Variants in PECAM1 observed in about 807,000 individuals in gnomAD.
PECAM1 encodes the protein platelet and endothelial cell adhesion molecule 1.
A neutral mutation model predicts 13.8 loss-of-function variants in PECAM1; 8 were observed. The observed-to-expected ratio is 0.58, with a 90% confidence interval of 0.34 to 1.05. PECAM1 has a LOEUF of 1.05. PECAM1 is among the 50% of genes least tolerant of loss of function. The pLI, the probability that PECAM1 is intolerant of heterozygous loss-of-function variation, is 0.03. For missense variants in PECAM1, 304 were observed against 141.2 expected, an observed-to-expected ratio of 2.15 and a Z score of -5.84; for synonymous variants, 136 against 52.6, an observed-to-expected ratio of 2.58 and a Z score of -6.86.
At chr17:64,377,563 A>G (rs933457450) in intron 3 of PECAM1, 9 of 213,228 alleles carry the variant, frequency 4.2e-5, no homozygotes, top group Non-Finnish European at 8.0e-5. Flanking sequence ...GTGAGCCGAG[A>G]TCACACCACT....
At chr17:64,364,130 G>A (rs1244227853) in intron 5 of PECAM1, among the ~76,000 whole-genome samples, 2 of 152,098 alleles carry the variant, frequency 1.3e-5, no homozygotes, top group Non-Finnish European at 2.9e-5. Flanking sequence ...AATAAAAAAT[G>A]ATAAAGGGGA....
chr17:64,323,599 A>T lies in PECAM1; in HGVS notation c.*217T>A. 7.0e-7 allele frequency: 1 copy of T among 1,426,144 alleles called. No homozygotes were observed. The highest frequency in any genetic ancestry group is 9.1e-7 in the Non-Finnish European group (1 of 1,093,074). The allele number at this position is 1,426,144 out of a possible 1,614,324, so 88.3% of individuals were successfully genotyped here. ...TGTTCCAACTTGGTGGAAGGAGGGT[A>T]TGTGGGAAATTCAACAGCCCCTCTG... On this transcript the variant is annotated 3_prime_UTR_variant, in exon 16 of 16. Coordinates refer to ENST00000563924, the MANE Select transcript of PECAM1 (RefSeq NM_000442.5).
intron 3 of PECAM1, among the ~76,000 whole-genome samples, chr17:64,376,561 A>G (rs2036363924): frequency 6.6e-6 from 1 of 152,172 alleles, no homozygotes; most frequent in Non-Finnish European, 1.5e-5. Context: ...AATGCCTACT[A>G]TGAGCCACAT....
At position 64,321,527 on chromosome 17, in the gene PECAM1, G is replaced by A; in HGVS notation, c.*2289C>T. On this transcript the variant is annotated 3_prime_UTR_variant, in exon 16 of 16. Transcript: ENST00000563924. ...AATCCCAGCACTTTGCGAGGCCAAG[G>A]AGGGAGGATCACTTGAGCCCAGAAG... 1.2e-6 allele frequency: 1 copy of A among 827,668 alleles called. No homozygotes were observed. Among genetic ancestry groups the A allele is most frequent in the Non-Finnish European group, 1.5e-6 (1 of 675,490 alleles). The allele number at this position is 827,668 out of a possible 1,614,324, so 51.3% of individuals were successfully genotyped here.
chr17:64,321,371 C>T lies in PECAM1; in HGVS notation c.*2445G>A. The T allele has an allele frequency of 1.1e-6, 1 of 939,804 alleles. No individual in the cohort carries two copies. The highest frequency in any genetic ancestry group is 1.3e-6 in the Non-Finnish European group (1 of 788,080). The allele number at this position is 939,804 out of a possible 1,614,324, so 58.2% of individuals were successfully genotyped here. A position where few individuals can be genotyped will look rare whatever the true frequency, so the allele number is the denominator to read the frequency against. Reference sequence around the variant, plus strand: ...AGCCAGCGTCCTGGATTCAGACAGACCTTTTAGCCATTAAATCCACTAAGA... The same window carrying T: ...AGCCAGCGTCCTGGATTCAGACAGATCTTTTAGCCATTAAATCCACTAAGA... On this transcript the variant is annotated 3_prime_UTR_variant, in exon 16 of 16. Coordinates refer to ENST00000563924, the MANE Select transcript of PECAM1 (RefSeq NM_000442.5).
intron 14 of PECAM1, among the ~76,000 whole-genome samples, chr17:64,339,046 C>T (rs2035359678): frequency 6.6e-6 from 1 of 152,194 alleles, no homozygotes; most frequent in Admixed American, 6.5e-5. Flanking sequence ...AAGTTTTTCC[C>T]TAGAATCCAC....
Position 64,375,204 on chromosome 17 carries a change from C to T in PECAM1, c.538G>A (p.Glu180Lys). The T allele has an allele frequency of 2.1e-6, 1 of 475,402 alleles. No homozygotes were observed. The highest frequency in any genetic ancestry group is 2.0e-5 in the African/African-American group (1 of 50,642). 29.4% of individuals were successfully genotyped at this position (475,402 alleles called of 1,614,324 possible). ...LNEKMVKLKR[E>K]KNSRDQNFVI... is the part of the protein sequence containing the mutation. ...AAATTCTGGTCTCGAGAATTCTTCT[C>T]TCTTTTCAGCTTGACCATTTTTTCA... The change falls in exon 4 of 16, where the codon GAG (glutamate) becomes AAG (lysine). Residue 180 changes from glutamate (E) to lysine (K), a missense_variant. Transcript: ENST00000563924.
intron 14 of PECAM1, among the ~76,000 whole-genome samples, chr17:64,336,069 GC>G (rs1368374377): frequency 6.6e-6 from 1 of 151,940 alleles, no homozygotes; most frequent in Non-Finnish European, 1.5e-5. Flanking sequence ...TTCGAGATCA[GC>G]CTGACCAATA....
chr17:64,323,523 C>T lies in PECAM1; in HGVS notation c.*293G>A. The stretch of plus-strand genomic sequence containing the variant: ...ACAAAATATTCAAGTTTCAGAATAT[C>T]CCAATGGCCTTGCCCTGGATCTCCT... On this transcript the variant is annotated 3_prime_UTR_variant, in exon 16 of 16. Coordinates refer to ENST00000563924, the MANE Select transcript of PECAM1 (RefSeq NM_000442.5). The T allele has an allele frequency of 7.3e-7, 1 of 1,370,160 alleles. No individual in the cohort carries two copies. Among genetic ancestry groups the T allele is most frequent in the East Asian group, 2.9e-5 (1 of 34,218 alleles). 84.9% of individuals were successfully genotyped at this position (1,370,160 alleles called of 1,614,324 possible). A position where few individuals can be genotyped will look rare whatever the true frequency, so the allele number is the denominator to read the frequency against.
intron 14 of PECAM1, among the ~76,000 whole-genome samples, chr17:64,335,529 A>C (rs1049829374): frequency 2.6e-5 from 4 of 152,236 alleles, no homozygotes; most frequent in Non-Finnish European, 2.9e-5. Context: ...AGCAATTGGT[A>C]ACAAACCAAT....
chr17:64,366,322 C>G (rs1488525245), intron 5 of PECAM1, among the ~76,000 whole-genome samples: 1 of 151,802 alleles, frequency 6.6e-6, no homozygotes, highest in Non-Finnish European at 1.5e-5. Flanking sequence ...AGTCAGGAAA[C>G]AACAGGTGCT....
rs988095282 is a variant in PECAM1 at position 64,370,049 on chromosome 17, G to A, written c.692-24C>T. The A allele has an allele frequency of 1.4e-3, 569 of 398,618 alleles. 2 individuals are homozygous for A. Among genetic ancestry groups the A allele is most frequent in the African/African-American group, 0.011 (522 of 48,734 alleles). 24.7% of individuals were successfully genotyped at this position (398,618 alleles called of 1,614,324 possible). On this transcript the variant is annotated intron_variant, in intron 4 of 15. Coordinates refer to ENST00000563924, the MANE Select transcript of PECAM1 (RefSeq NM_000442.5). The stretch of plus-strand genomic sequence containing the variant: ...TTCTGCAAGAGAGGAAGACAACCTG[G>A]TTGGACTCAGGTGCAAACCTGGGCA...
chr17:64,334,656 C>T (rs971418369), intron 14 of PECAM1, among the ~76,000 whole-genome samples: 3 of 152,070 alleles, frequency 2.0e-5, no homozygotes, highest in African/African-American at 7.2e-5. Flanking sequence ...TACAGGCGCC[C>T]GCCACCACGT....
intron 4 of PECAM1, chr17:64,370,530 C>G (rs2036216225): frequency 6.6e-6 from 1 of 152,196 alleles, no homozygotes; most frequent in Non-Finnish European, 1.5e-5. Context: ...TTTTAAAATG[C>G]TGGCCATCAC....
At chr17:64,388,744 C>T (rs1480144560) in intron 2 of PECAM1, among the ~76,000 whole-genome samples, 6 of 152,088 alleles carry the variant, frequency 3.9e-5, no homozygotes, top group African/African-American at 1.4e-4. Flanking sequence ...CCTGGCTCAC[C>T]GAACCTCTGC....
intron 5 of PECAM1, among the ~76,000 whole-genome samples, chr17:64,367,370 C>T (rs118200482): frequency 4.6e-5 from 7 of 151,832 alleles, no homozygotes; most frequent in African/African-American, 1.5e-4. Flanking sequence ...GCCAACATGG[C>T]GAAACCCCGT....
chr17:64,386,410 AAAAAAAAAAG>A (rs2036594999), intron 2 of PECAM1, among the ~76,000 whole-genome samples: 1 of 151,754 alleles, frequency 6.6e-6, no homozygotes, highest in African/African-American at 2.4e-5. Flanking sequence ...TGTCAAAAAA[AAAAAAAAAAG>A]AAAAAGAAAG....
chr17:64,333,830 C>T (rs2035192660), intron 14 of PECAM1, among the ~76,000 whole-genome samples: 1 of 149,468 alleles, frequency 6.7e-6, no homozygotes, highest in African/African-American at 2.5e-5. Flanking sequence ...TGCGGTGGTG[C>T]ATGCCTGTAG....
intron 2 of PECAM1, among the ~76,000 whole-genome samples, chr17:64,385,963 T>A (rs2143912489): frequency 6.6e-6 from 1 of 152,298 alleles, no homozygotes; most frequent in East Asian, 1.9e-4. Context: ...CTGGGCCCTG[T>A]CCTGAGGGTG....
Sources: gnomAD v4.1 joint callset for allele counts (sites outside exome capture counted in the v4.1 genomes callset) on GRCh38, gnomAD v4.1.1 for gene constraint, MANE v1.5 for transcripts, NCBI Gene and HGNC (gene_info 2026-07-23, HGNC 2026-07-21) for gene names.